SOX5: variants seen among roughly 807,000 people sequenced by gnomAD.
The protein encoded by SOX5 is SRY-box transcription factor 5.
Under a neutral mutation model 92.0 loss-of-function variants are expected in SOX5, and 9 were observed. The ratio of observed to expected loss-of-function variants is 0.10; its 90% CI spans 0.06 to 0.17. The LOEUF (loss-of-function observed/expected upper bound fraction) is 0.17, where lower values mean the gene tolerates loss of function less well. Ranked by LOEUF, SOX5 falls within the 10% of genes least tolerant of loss-of-function variation. SOX5 has a pLI of 1.00. For synonymous variants in SOX5, 344 were observed against 336.3 expected (o/e 1.02, Z -0.25); for missense variants, 642 against 944.5 (o/e 0.68, Z 4.20).
intron 1 of SOX5, among the ~76,000 whole-genome samples, chr12:24,487,089 T>A (rs1946599551): frequency 6.6e-6 from 1 of 152,182 alleles, no homozygotes. Flanking sequence ...CACTATTATA[T>A]CAATCCACGG....
chr12:24,039,355 A>G (rs574973873), intron 4 of SOX5, among the ~76,000 whole-genome samples: 4 of 152,212 alleles, frequency 2.6e-5, no homozygotes, highest in African/African-American at 9.6e-5. Flanking sequence ...TTAAAACTTT[A>G]AAGTATATTG....
rs118115941 is a variant in SOX5, at chr12:23,844,021, T to C, written c.481+1962A>G. Among the ~76,000 whole-genome samples the C allele has an allele frequency of 7.5e-3, 1,148 of 152,316 alleles. 5 individuals are homozygous for C. The highest frequency in any genetic ancestry group is 0.013 in the Non-Finnish European group (900 of 68,024). ...AGCCCTTTGCAACTTGAAAATATCA[T>C]TAAGTAAAAAATGCACTTAATTCAG... On this transcript the variant is annotated intron_variant, in intron 3 of 14. Coordinates refer to ENST00000451604, the MANE Select transcript of SOX5 (RefSeq NM_006940.6).
intron 4 of SOX5, among the ~76,000 whole-genome samples, chr12:24,054,838 G>A (rs779410737): frequency 2.2e-4 from 33 of 152,116 alleles, no homozygotes; most frequent in Non-Finnish European, 4.1e-4. Flanking sequence ...GGGGAGAAGA[G>A]GTATAACCTT....
At chr12:23,985,639 C>T (rs1283385556) in intron 4 of SOX5, among the ~76,000 whole-genome samples, 1 of 150,350 alleles carries the variant, frequency 6.7e-6, no homozygotes, top group African/African-American at 2.5e-5. Flanking sequence ...ATATCTAGTA[C>T]CCTTTCTTGA....
chr12:24,153,846 T>C (rs774952538), intron 4 of SOX5, among the ~76,000 whole-genome samples: 5 of 151,858 alleles, frequency 3.3e-5, no homozygotes, highest in African/African-American at 7.3e-5. Flanking sequence ...ACAAATAAAA[T>C]GTTCTCACTT....
intron 4 of SOX5, among the ~76,000 whole-genome samples, chr12:24,124,981 T>C (rs1243610121): frequency 2.2e-4 from 34 of 152,196 alleles, no homozygotes; most frequent in Admixed American, 1.6e-3. Flanking sequence ...AGAGAATCTC[T>C]GTGAAAGTAA....
chr12:23,846,351 T>A (rs555401760), intron 2 of SOX5, among the ~76,000 whole-genome samples, 158 bp from the exon 3 acceptor site: 19 of 152,290 alleles, frequency 1.2e-4, no homozygotes, highest in African/African-American at 4.3e-4. Flanking sequence ...AGCTGAAAGA[T>A]TAAAAAGTGA....
At chr12:24,005,503 T>G (rs1952060793) in intron 4 of SOX5, among the ~76,000 whole-genome samples, 1 of 152,188 alleles carries the variant, frequency 6.6e-6, no homozygotes, top group Non-Finnish European at 1.5e-5. Flanking sequence ...CTGTCTGGCA[T>G]ACAGTTCCAG....
chr12:23,841,643 A>G (rs965342973), intron 3 of SOX5, among the ~76,000 whole-genome samples: 2 of 152,176 alleles, frequency 1.3e-5, no homozygotes, highest in African/African-American at 4.8e-5. Context: ...ATCAAGCTAT[A>G]AACAGCCATG....
intron 1 of SOX5, among the ~76,000 whole-genome samples, chr12:24,445,898 A>G (rs1339503703): frequency 6.6e-6 from 1 of 152,156 alleles, no homozygotes; most frequent in Non-Finnish European, 1.5e-5. Context: ...GAAATTTACT[A>G]TGACAGACAG....
chr12:24,519,781 A>C (rs972170144), intron 1 of SOX5, among the ~76,000 whole-genome samples: 5 of 152,214 alleles, frequency 3.3e-5, no homozygotes, highest in Non-Finnish European at 5.9e-5. Context: ...TGATTCGTAC[A>C]CATCTTAACA....
At position 23,964,558 on chromosome 12, in the gene SOX5, T is replaced by A. The variant is rs1478778232; in HGVS notation, c.-1-68534A>T. On this transcript the variant is annotated intron_variant, in intron 4 of 4. Transcript: ENST00000446891. ...ACTTTGTAAGGGAGTTAATATAATA[T>A]CGTCCTAGAGAAGACTGTCAACCGT... Among the ~76,000 whole-genome samples, 4 of 152,134 alleles carry A rather than the reference T, an allele frequency of 2.6e-5. No homozygotes were observed. The South Asian group carries it at 8.3e-4, about 32-fold the overall frequency.
In SOX5 at chr12:23,796,033, G is replaced by A. The variant is rs138039999; in HGVS notation, c.482-40309C>T. On this transcript the variant is annotated intron_variant, in intron 3 of 14. Coordinates refer to ENST00000451604, the MANE Select transcript of SOX5 (RefSeq NM_006940.6). ...GCAGCTGTCATTCAGCCACATAAAG[G>A]GGAGTCTAGAAAACCTCTAACTGTT... Among the ~76,000 whole-genome samples, 742 of 152,146 alleles carry A rather than the reference G, an allele frequency of 4.9e-3. 10 individuals are homozygous for A. The highest frequency in any genetic ancestry group is 0.017 in the African/African-American group (686 of 41,540).
At chr12:23,833,240 C>A (rs763788207) in intron 3 of SOX5, among the ~76,000 whole-genome samples, 2 of 151,910 alleles carry the variant, frequency 1.3e-5, no homozygotes, top group African/African-American at 2.4e-5. Context: ...AGGAACGTTA[C>A]ATTTCTCTCA....
intron 8 of SOX5, among the ~76,000 whole-genome samples, 174 bp from the exon 9 acceptor site, chr12:23,604,707 G>A (rs980642242): frequency 6.6e-6 from 1 of 152,100 alleles, no homozygotes; most frequent in Non-Finnish European, 1.5e-5. Flanking sequence ...CTTTTTAGGG[G>A]AGAAATGACA....
chr12:24,310,440 G>C (rs990461523), intron 2 of SOX5, among the ~76,000 whole-genome samples: 7 of 152,108 alleles, frequency 4.6e-5, no homozygotes, highest in Non-Finnish European at 1.0e-4. Context: ...TTTCCTGAAA[G>C]TATTAACACT....
chr12:24,393,192 G>T lies in SOX5; in HGVS notation c.-250-24553C>A, dbSNP rs1419440628. ...GCAAAAAAACAAACCCACTGCCTGGGGCAGCCTGGGGCTGATGGATGATGA... is the reference window on the plus strand; with the variant it reads ...GCAAAAAAACAAACCCACTGCCTGGTGCAGCCTGGGGCTGATGGATGATGA... On this transcript the variant is annotated intron_variant, in intron 1 of 4. Coordinates refer to the SOX5 transcript ENST00000446891. This position sits in a 1 kb window ranked among gnomAD's most constrained non-coding sequence, Gnocchi z 5.0. Among the ~76,000 whole-genome samples the T allele has an allele frequency of 6.6e-6, 1 of 152,206 alleles. No homozygotes were observed. Among genetic ancestry groups the T allele is most frequent in the African/African-American group, 2.4e-5 (1 of 41,448 alleles).
chr12:23,803,516 T>C (rs2095702780), intron 3 of SOX5, among the ~76,000 whole-genome samples: 1 of 152,216 alleles, frequency 6.6e-6, no homozygotes, highest in Admixed American at 6.5e-5. Context: ...TTTTTCCCTA[T>C]TCTGATAGCC....
At chr12:24,249,778 A>G (rs1438764146) in intron 3 of SOX5, among the ~76,000 whole-genome samples, 2 of 152,216 alleles carry the variant, frequency 1.3e-5, no homozygotes, top group African/African-American at 4.8e-5. Flanking sequence ...TAACCTAAGC[A>G]TGCTGCCATT....
Sources: allele counts gnomAD v4.1 joint callset (sites outside exome capture counted in the v4.1 genomes callset), GRCh38; gene constraint gnomAD v4.1.1; non-coding constraint Gnocchi (gnomAD v3.1); transcripts MANE v1.5; gene names NCBI Gene and HGNC (gene_info 2026-07-23, HGNC 2026-07-21).